Variants in GABPB2 observed in about 807,000 individuals in gnomAD.
GABPB2 encodes the protein GA binding protein transcription factor subunit beta 2.
GABPB2 carries 23 observed loss-of-function variants against 39.1 expected under a neutral mutation model. That is an observed-to-expected ratio of 0.59 (90% confidence interval 0.42 to 0.83). The LOEUF (loss-of-function observed/expected upper bound fraction) is 0.83. Among genes scored for constraint, GABPB2 ranks in the 40% least tolerant of loss-of-function variants. The pLI, the probability that GABPB2 is intolerant of heterozygous loss-of-function variation, is 0.00. For missense variants in GABPB2, 467 were observed against 541.1 expected (o/e 0.86, Z 1.36); for synonymous variants, 184 against 199.3 (o/e 0.92, Z 0.65).
intron 1 of GABPB2, among the ~76,000 whole-genome samples, chr1:151,073,452 C>G (rs1676887158): frequency 6.6e-6 from 1 of 152,246 alleles, no homozygotes; most frequent in Middle Eastern, 3.4e-3. Flanking sequence ...TCTGATGTAT[C>G]AGGCTTCATC....
At chr1:151,082,081 T>C (rs909796772) in intron 1 of GABPB2, among the ~76,000 whole-genome samples, 1 of 149,672 alleles carries the variant, frequency 6.7e-6, no homozygotes, top group Non-Finnish European at 1.5e-5. Flanking sequence ...TTTTTCTTTT[T>C]TTTTTTTTTT....
In GABPB2 at chr1:151,118,540, A is replaced by ATT. The variant is rs757004156; in HGVS notation, c.*295_*296dup. On this transcript the variant is annotated 3_prime_UTR_variant, in exon 9 of 9. Transcript: ENST00000368918. Reference sequence around the variant, plus strand: ...AAAGAATACTGCATGTTGTGGGTTGATTTTTTTTTTTTAAATAACTGACTT... The same window carrying ATT: ...AAAGAATACTGCATGTTGTGGGTTGATTTTTTTTTTTTTTAAATAACTGACTT... The ATT allele has an allele frequency of 3.5e-5, 9 of 256,698 alleles. No individual in the cohort carries two copies. The highest frequency in any genetic ancestry group is 6.8e-5 in the African/African-American group (3 of 44,078). The allele number at this position is 256,698 out of a possible 1,614,324, so 15.9% of individuals were successfully genotyped here.
Position 151,118,445 on chromosome 1 carries a change from T to C in GABPB2, c.*189T>C. ...TTCAAAGCCATATTTAGGGAACATT[T>C]TTTCTGAGGGGCCAAAAGAATAAAG... On this transcript the variant is annotated 3_prime_UTR_variant, in exon 9 of 9. Coordinates refer to ENST00000368918, the MANE Select transcript of GABPB2 (RefSeq NM_144618.3). 1.9e-6 allele frequency: 1 copy of C among 523,924 alleles called. No homozygotes were observed. The highest frequency in any genetic ancestry group is 3.3e-6 in the Non-Finnish European group (1 of 303,514). 32.5% of individuals were successfully genotyped at this position (523,924 alleles called of 1,614,324 possible). A position where few individuals can be genotyped will look rare whatever the true frequency, so the allele number is the denominator to read the frequency against.
At chr1:151,109,235 C>T (rs1680193601) in intron 7 of GABPB2, among the ~76,000 whole-genome samples, 1 of 150,222 alleles carries the variant, frequency 6.7e-6, no homozygotes, top group Non-Finnish European at 1.5e-5. Flanking sequence ...ACGAAGGGTA[C>T]TGGTATAATT....
intron 1 of GABPB2, among the ~76,000 whole-genome samples, chr1:151,074,458 C>T (rs980069597): frequency 1.3e-5 from 2 of 150,370 alleles, no homozygotes; most frequent in African/African-American, 4.9e-5. Context: ...CTGCAGGCCC[C>T]CGCCACCATG....
chr1:151,078,272 G>GA (rs749005394), intron 1 of GABPB2, among the ~76,000 whole-genome samples: 225 of 95,024 alleles, frequency 2.4e-3, no homozygotes, highest in South Asian at 6.3e-3. Context: ...ACTTCAACTC[G>GA]AAAAAAAAAA....
At chr1:151,110,853 TC>T (rs1203702727) in intron 7 of GABPB2, among the ~76,000 whole-genome samples, 1 of 152,188 alleles carries the variant, frequency 6.6e-6, no homozygotes, top group African/African-American at 2.4e-5. Flanking sequence ...AGACTAAACT[TC>T]CATTTCTACT....
chr1:151,097,233 GA>G (rs1558144313), intron 4 of GABPB2, among the ~76,000 whole-genome samples: 1 of 151,754 alleles, frequency 6.6e-6, no homozygotes. Context: ...TTTTTCAAAT[GA>G]AAAAAACAAG....
rs587646579 is a variant in GABPB2, at chr1:151,113,322, A to G, written c.923-4070A>G. ...TCTCTACTAAAAATACAAAAAAATT[A>G]GCCAGGCCTGGTGGCGTGCACCTGT... On this transcript the variant is annotated intron_variant, in intron 7 of 8. Transcript: ENST00000368918. Among the ~76,000 whole-genome samples the G allele has an allele frequency of 2.0e-5, 3 of 152,140 alleles. No homozygotes were observed. In the South Asian group the frequency reaches 6.2e-4, roughly 32 times the overall value.
At chr1:151,088,394 C>A in intron 2 of GABPB2, 97 bp downstream of exon 2, 1 of 1,247,928 alleles carries the variant, frequency 8.0e-7, no homozygotes, top group Non-Finnish European at 1.1e-6. Flanking sequence ...TCTTCACTCC[C>A]TTTCTACCTC....
In GABPB2 at chr1:151,105,995, C is replaced by T. The variant is rs967881180; in HGVS notation, c.737-1042C>T. Reference sequence around the variant, plus strand: ...TTTTTTTTTGAGATGGAATCTCGCTCTTGTCACCCAGGCTGGAGTGCAATG... The same window carrying T: ...TTTTTTTTTGAGATGGAATCTCGCTTTTGTCACCCAGGCTGGAGTGCAATG... On this transcript the variant is annotated intron_variant, in intron 6 of 8. Coordinates refer to ENST00000368918, the MANE Select transcript of GABPB2 (RefSeq NM_144618.3). 6.1e-4 allele frequency among the ~76,000 whole-genome samples: 90 copies of T among 147,242 alleles called. 1 individual carries two copies. The highest frequency in any genetic ancestry group is 1.2e-3 in the Admixed American group (17 of 14,778).
chr1:151,080,215 C>CAA (rs57351502), intron 1 of GABPB2, among the ~76,000 whole-genome samples: 310 of 29,934 alleles, frequency 0.01, 14 homozygotes, highest in Non-Finnish European at 0.02. Context: ...AACTCCATCT[C>CAA]AAAAAAAAAA....
intron 1 of GABPB2, among the ~76,000 whole-genome samples, chr1:151,077,672 GC>G (rs1456613681): frequency 6.6e-6 from 1 of 151,938 alleles, no homozygotes; most frequent in East Asian, 1.9e-4. Flanking sequence ...AAAAAGAGAG[GC>G]CAGGCGCAGT....
chr1:151,109,274 C>T lies in GABPB2; in HGVS notation c.922+2052C>T, dbSNP rs144553229. 1.4e-4 allele frequency among the ~76,000 whole-genome samples: 20 copies of T among 147,932 alleles called. No individual in the cohort carries two copies. In the East Asian group the frequency reaches 3.9e-3, roughly 29 times the overall value. On this transcript the variant is annotated intron_variant, in intron 7 of 8. Coordinates refer to ENST00000368918, the MANE Select transcript of GABPB2 (RefSeq NM_144618.3). Reference sequence around the variant, plus strand: ...TTTCTTAATGTCACTAAAATTTTGACTTGGCTTAAATGATTGTGGGGATTT... The same window carrying T: ...TTTCTTAATGTCACTAAAATTTTGATTTGGCTTAAATGATTGTGGGGATTT...
intron 4 of GABPB2, among the ~76,000 whole-genome samples, chr1:151,096,149 C>T (rs1679081821): frequency 1.3e-5 from 2 of 151,936 alleles, no homozygotes; most frequent in South Asian, 4.1e-4. Flanking sequence ...TCTGGCTGGG[C>T]GTGGTGGCTC....
At position 151,090,446 on chromosome 1, in the gene GABPB2, A is replaced by G. The variant is rs150763321; in HGVS notation, c.149A>G (p.His50Arg). ...SPLHLAAQYG[H>R]YSTAEVLLRA... ...CTCCACCTTGCAGCTCAATATGGTC[A>G]TTATTCCACAGCAGAAGTACTCCTT... is the stretch of plus-strand genomic sequence containing the variant. Residue 50 changes from histidine to arginine, a missense_variant, in exon 3 of 9, where the codon CAT becomes CGT. Coordinates refer to ENST00000368918, the MANE Select transcript of GABPB2 (RefSeq NM_144618.3). 1.0e-4 allele frequency: 167 copies of G among 1,614,068 alleles called. No homozygotes were observed. In the African/African-American group the frequency reaches 1.9e-3, roughly 19 times the overall value.
chr1:151,082,428 G>A (rs1356810743), intron 1 of GABPB2, among the ~76,000 whole-genome samples: 13 of 108,224 alleles, frequency 1.2e-4, no homozygotes, highest in African/African-American at 4.7e-4. Context: ...TTGAGACGGA[G>A]TCTTGCTCTG....
chr1:151,081,618 A>G (rs1677703733), intron 1 of GABPB2, among the ~76,000 whole-genome samples: 1 of 152,040 alleles, frequency 6.6e-6, no homozygotes, highest in Admixed American at 6.6e-5. Context: ...AATAGAAGAC[A>G]GCTGCATTCT....
At chr1:151,088,617 C>T (rs1678404844) in intron 2 of GABPB2, 1 of 328,824 alleles carries the variant, frequency 3.0e-6, no homozygotes, top group Non-Finnish European at 5.6e-6. Context: ...CTGTAATTAG[C>T]TAGAAATTAA....
Sources: allele counts gnomAD v4.1 joint callset (sites outside exome capture counted in the v4.1 genomes callset), GRCh38; gene constraint gnomAD v4.1.1; transcripts MANE v1.5; gene names NCBI Gene and HGNC (gene_info 2026-07-23, HGNC 2026-07-21).